The following METTL17 variants were observed in gnomAD, a reference collection of about 807,000 sequenced individuals.
METTL17 encodes the protein methyltransferase like 17, also known as ribosome assembly protein METTL17, mitochondrial.
Under a neutral mutation model 59.4 loss-of-function variants are expected in METTL17, and 49 were observed. The observed-to-expected ratio is 0.82, with a 90% CI of 0.66 to 1.05. The LOEUF (loss-of-function observed/expected upper bound fraction) is 1.05, where lower values mean the gene tolerates loss of function less well. Ranked by LOEUF, METTL17 falls within the 50% of genes least tolerant of loss-of-function variation. METTL17 has a pLI of 0.00. For synonymous variants in METTL17, 208 were observed against 209.2 expected (o/e 0.99, Z 0.05); for missense variants, 555 against 578.4 (o/e 0.96, Z 0.41).
rs1463771477 is a variant in METTL17 at position 20,996,662 on chromosome 14, C to T, written c.1216C>T (p.Pro406Ser). The part of the protein sequence containing the change: ...PRHVHCHLCC[P>S]DGHMQHAVLT... ...CCATGTGCATTGTCACTTGTGCTGT[C>T]CAGATGGGCACATGCAGCATGCTGT... Residue 406 changes from proline to serine, a missense_variant, in exon 13 of 14, where the codon CCA becomes TCA. Transcript: ENST00000339374. 1.2e-6 allele frequency: 2 copies of T among 1,614,232 alleles called. No individual in the cohort carries two copies. Among genetic ancestry groups the T allele is most frequent in the South Asian group, 1.1e-5 (1 of 91,080 alleles).
chr14:20,996,138 A>T lies in METTL17; in HGVS notation c.997-71A>T. 3 of 1,450,092 alleles carry T rather than the reference A, an allele frequency of 2.1e-6. No homozygotes were observed. In the South Asian group the frequency reaches 3.5e-5, roughly 17 times the overall value. The allele number at this position is 1,450,092 out of a possible 1,614,324, so 89.8% of individuals were successfully genotyped here. ...CTTCTCCCTGGCCCCTTTTGACTCT[A>T]TTATTCTCAGTTTTTAAGTTTTGTG... On this transcript the variant is annotated intron_variant, in intron 11 of 13. Coordinates refer to ENST00000339374, the MANE Select transcript of METTL17 (RefSeq NM_022734.3).
chr14:20,996,505 G>T (rs199954443), intron 12 of METTL17, 22 bp from the exon 13 acceptor site: 9 of 1,596,774 alleles, frequency 5.6e-6, no homozygotes, highest in Non-Finnish European at 7.7e-6. Context: ...CTTCTAAACA[G>T]TCTCTATGTT....
At chr14:20,992,763 C>T (rs1165912595) in intron 5 of METTL17, 141 bp downstream of exon 5, 2 of 670,158 alleles carry the variant, frequency 3.0e-6, no homozygotes, top group South Asian at 1.9e-5. Flanking sequence ...ATAGTGGGCT[C>T]CTGCCTGCAG....
At position 20,994,882 on chromosome 14, in the gene METTL17, G is replaced by T; in HGVS notation, c.857G>T (p.Arg286Leu). The change falls in exon 9 of 14, where the codon CGT becomes CTT. Residue 286 changes from arginine (R) to leucine (L), a missense_variant. Coordinates refer to ENST00000339374, the MANE Select transcript of METTL17 (RefSeq NM_022734.3). ...ACTGAGGTAGTTCAAACCTTATGGCGTAAGACAGGTCATTTCCTGGTGAGT... is the reference window on the plus strand; with the variant it reads ...ACTGAGGTAGTTCAAACCTTATGGCTTAAGACAGGTCATTTCCTGGTGAGT... The part of the protein sequence containing the change: ...DRTEVVQTLW[R>L]KTGHFLVLVE... 9.9e-6 allele frequency: 16 copies of T among 1,613,602 alleles called. No individual in the cohort carries two copies. The highest frequency in any genetic ancestry group is 1.3e-5 in the Non-Finnish European group (15 of 1,179,690).
intron 3 of METTL17, among the ~76,000 whole-genome samples, chr14:20,991,536 AT>A (rs1555321111): frequency 3.3e-4 from 50 of 150,266 alleles, no homozygotes; most frequent in African/African-American, 8.1e-4. Flanking sequence ...TTTAAAAAAA[AT>A]TTTTTTTTTT....
In METTL17 at chr14:20,996,805, G is replaced by T. The variant is rs139733527; in HGVS notation, c.1286G>T (p.Arg429Leu). 1.9e-6 allele frequency: 3 copies of T among 1,614,076 alleles called. No individual in the cohort carries two copies. Among genetic ancestry groups the T allele is most frequent in the South Asian group, 2.2e-5 (2 of 91,094 alleles). Residue 429 changes from arginine to leucine, a missense_variant, in exon 14 of 14, where the codon CGT (arginine) becomes CTT (leucine). Transcript: ENST00000339374. Reference sequence around the variant, plus strand: ...CACAGGGATTTGTATCGTTGTGCCCGTGTCAGCTCCTGGGGAGATCTTTTA... The same window carrying T: ...CACAGGGATTTGTATCGTTGTGCCCTTGTCAGCTCCTGGGGAGATCTTTTA... ...RHGRDLYRCA[R>L]VSSWGDLLPV...
At chr14:20,994,118 A>G in intron 7 of METTL17, 55 bp downstream of exon 7, 1 of 1,294,318 alleles carries the variant, frequency 7.7e-7, no homozygotes, top group South Asian at 1.2e-5. Flanking sequence ...AAGGGGTACT[A>G]GTAAAAGTGT....
At chr14:20,996,067 A>G (rs1003316933) in intron 11 of METTL17, 116 bp downstream of exon 11, 7 of 1,312,028 alleles carry the variant, frequency 5.3e-6, no homozygotes, top group African/African-American at 2.9e-5. Flanking sequence ...TCCAGTTCCT[A>G]CCTAATGATT....
chr14:20,994,862 G>C lies in METTL17; in HGVS notation c.837G>C (p.Glu279Asp). Residue 279 changes from glutamate (E) to aspartate (D), a missense_variant, in exon 9 of 14, where the codon GAG becomes GAC. Physicochemically the swap from Glu to Asp is conservative, Grantham distance 45. Coordinates refer to ENST00000339374, the MANE Select transcript of METTL17 (RefSeq NM_022734.3). Reference protein sequence around the residue: ...SELPSKADRTEVVQTLWRKTG... With the variant: ...SELPSKADRTDVVQTLWRKTG... ...TGCCCAGCAAGGCTGACCGCACTGA[G>C]GTAGTTCAAACCTTATGGCGTAAGA... 1 of 1,614,096 alleles carries C rather than the reference G, an allele frequency of 6.2e-7. No homozygotes were observed. Among genetic ancestry groups the C allele is most frequent in the African/African-American group, 1.3e-5 (1 of 75,056 alleles).
chr14:20,993,224 A>G (rs773712491), intron 6 of METTL17, 33 bp downstream of exon 6: 8 of 1,588,812 alleles, frequency 5.0e-6, no homozygotes, highest in Admixed American at 3.3e-5. Flanking sequence ...ATCTTGGTCA[A>G]TTTTAGCTCT....
intron 10 of METTL17, 26 bp from the exon 11 acceptor site, chr14:20,995,875 A>C (rs747738852): frequency 5.0e-6 from 8 of 1,610,064 alleles, no homozygotes; most frequent in Non-Finnish European, 2.6e-6. Context: ...GCCCAGCTTT[A>C]TTTCTTTTAT....
rs757670786 is a variant in METTL17, at chr14:20,997,021, T to G, written c.*131T>G. The G allele has an allele frequency of 3.0e-6, 3 of 1,009,732 alleles. No homozygotes were observed. Among genetic ancestry groups the G allele is most frequent in the South Asian group, 2.2e-5 (1 of 44,906 alleles). 62.5% of individuals were successfully genotyped at this position (1,009,732 alleles called of 1,614,324 possible). A position where few individuals can be genotyped will look rare whatever the true frequency, so the allele number is the denominator to read the frequency against. ...AGATTTTTAATAATAAATAATAAAT[T>G]TTTGAAGAATGGAAGTGGATTTTGT... On this transcript the variant is annotated 3_prime_UTR_variant, in exon 14 of 14. Transcript: ENST00000339374.
chr14:20,994,383 G>A (rs1349817396), intron 7 of METTL17, among the ~76,000 whole-genome samples, 160 bp from the exon 8 acceptor site: 1 of 151,658 alleles, frequency 6.6e-6, no homozygotes, highest in Non-Finnish European at 1.5e-5. Context: ...AGCCTCTAGG[G>A]TAGCTGGGAT....
intron 12 of METTL17, 75 bp from the exon 13 acceptor site, chr14:20,996,452 T>C: frequency 2.6e-6 from 4 of 1,534,430 alleles, no homozygotes; most frequent in Non-Finnish European, 3.5e-6. Flanking sequence ...ACTGCAGGAA[T>C]GGGGAAGAAG....
chr14:20,994,969 C>A, intron 9 of METTL17, 68 bp downstream of exon 9: 1 of 1,329,110 alleles, frequency 7.5e-7, no homozygotes, highest in Non-Finnish European at 1.1e-6. Context: ...CTTTGCTCCT[C>A]TCATTGTCTT....
intron 12 of METTL17, 51 bp downstream of exon 12, chr14:20,996,343 G>A (rs1257454684): frequency 1.3e-6 from 2 of 1,577,076 alleles, no homozygotes; most frequent in South Asian, 2.2e-5. Flanking sequence ...GGAAAAACAG[G>A]AAGAAAAAGA....
intron 8 of METTL17, 74 bp from the exon 9 acceptor site, chr14:20,994,720 A>G (rs1363167503): frequency 6.5e-7 from 1 of 1,531,038 alleles, no homozygotes; most frequent in Non-Finnish European, 9.0e-7. Context: ...AAAGAAATTT[A>G]GCGGCTAGGA....
Position 20,996,683 on chromosome 14 carries a change from G to A in METTL17, c.1237G>A (p.Ala413Thr). The A allele has an allele frequency of 6.2e-7, 1 of 1,614,272 alleles. No homozygotes were observed. Among genetic ancestry groups the A allele is most frequent in the Non-Finnish European group, 8.5e-7 (1 of 1,180,050 alleles). ...CTGTCCAGATGGGCACATGCAGCATGCTGTGCTCACAGCCCGCCGGCACGG... is the reference window on the plus strand; with the variant it reads ...CTGTCCAGATGGGCACATGCAGCATACTGTGCTCACAGCCCGCCGGCACGG... The part of the protein sequence containing the change: ...LCCPDGHMQH[A>T]VLTARRHGRD... The change falls in exon 13 of 14, where the codon GCT becomes ACT. Residue 413 changes from alanine to threonine, a missense_variant. Coordinates refer to ENST00000339374, the MANE Select transcript of METTL17 (RefSeq NM_022734.3).
chr14:20,991,511 G>A (rs991509894), intron 3 of METTL17, among the ~76,000 whole-genome samples: 7 of 151,730 alleles, frequency 4.6e-5, no homozygotes, highest in African/African-American at 1.7e-4. Flanking sequence ...AAAAAATAAT[G>A]TCCTTGGCCT....
Sources: gnomAD v4.1 joint callset for allele counts (sites outside exome capture counted in the v4.1 genomes callset) on GRCh38, gnomAD v4.1.1 for gene constraint, MANE v1.5 for transcripts, NCBI Gene and HGNC (gene_info 2026-07-23, HGNC 2026-07-21) for gene names.